The following LMBR1 variants were observed in gnomAD, a reference collection of about 807,000 sequenced individuals.
The protein encoded by LMBR1 is limb region 1 protein homolog.
LMBR1 carries 52 observed loss-of-function variants against 73.9 expected under a neutral mutation model. The ratio of observed to expected loss-of-function variants is 0.70; its 90% CI spans 0.56 to 0.89. LMBR1 has a LOEUF of 0.89. Ranked by LOEUF, LMBR1 falls within the 40% of genes least tolerant of loss-of-function variation. LMBR1 has a pLI of 0.00. For missense variants in LMBR1, 539 were observed against 579.8 expected (o/e 0.93, Z 0.72); for synonymous variants, 215 against 209.4 (o/e 1.03, Z -0.23).
chr7:156,833,467 A>G (rs924434110), intron 3 of LMBR1: 12 of 366,438 alleles, frequency 3.3e-5, no homozygotes, highest in Non-Finnish European at 5.9e-5. Context: ...CTGTTCAAAC[A>G]GCCAAGAGTC....
At chr7:156,801,267 A>C (rs1174421700) in intron 4 of LMBR1, among the ~76,000 whole-genome samples, 2 of 152,186 alleles carry the variant, frequency 1.3e-5, no homozygotes, top group East Asian at 3.8e-4. Flanking sequence ...CCTTTAGCAA[A>C]ATCAAGGCAA....
chr7:156,707,549 G>C (rs186285440), intron 15 of LMBR1, among the ~76,000 whole-genome samples: 2 of 152,152 alleles, frequency 1.3e-5, no homozygotes, highest in African/African-American at 4.8e-5. Flanking sequence ...TACCAGGAGT[G>C]TAAGGATGGT....
intron 1 of LMBR1, among the ~76,000 whole-genome samples, 190 bp from the exon 2 acceptor site, chr7:156,837,075 G>C (rs1427390797): frequency 6.6e-6 from 1 of 151,852 alleles, no homozygotes; most frequent in African/African-American, 2.4e-5. Context: ...TGTAACCCCA[G>C]CACCTTGGGA....
intron 1 of LMBR1, among the ~76,000 whole-genome samples, chr7:156,886,809 G>A (rs1346196804): frequency 6.6e-6 from 1 of 152,148 alleles, no homozygotes; most frequent in African/African-American, 2.4e-5. Flanking sequence ...TTCACAGTTG[G>A]GTATTTTATT....
intron 1 of LMBR1, among the ~76,000 whole-genome samples, chr7:156,839,728 A>G (rs1838305246): frequency 6.6e-6 from 1 of 152,174 alleles, no homozygotes; most frequent in African/African-American, 2.4e-5. Context: ...CCCAATACAC[A>G]AGGGAGAGAA....
chr7:156,715,857 G>A (rs1813099039), intron 15 of LMBR1, among the ~76,000 whole-genome samples: 1 of 151,994 alleles, frequency 6.6e-6, no homozygotes, highest in Non-Finnish European at 1.5e-5. Context: ...TCCACCTCTT[G>A]GCTACTGTTG....
chr7:156,763,411 G>A (rs1204991390), intron 6 of LMBR1, among the ~76,000 whole-genome samples: 11 of 144,352 alleles, frequency 7.6e-5, no homozygotes, highest in African/African-American at 2.3e-4. Context: ...ATGTCTCCAC[G>A]GAATTTGAAG....
At chr7:156,892,236 A>G (rs1045207120) in intron 1 of LMBR1, among the ~76,000 whole-genome samples, 4 of 152,178 alleles carry the variant, frequency 2.6e-5, no homozygotes, top group African/African-American at 9.6e-5. Context: ...CCCAAAAATA[A>G]CCAATATTCT....
At chr7:156,886,297 G>C (rs1801893203) in intron 1 of LMBR1, among the ~76,000 whole-genome samples, 1 of 152,186 alleles carries the variant, frequency 6.6e-6, no homozygotes, top group African/African-American at 2.4e-5. Context: ...TGCTGAACGG[G>C]TTGGCCAAGT....
At chr7:156,759,284 T>C (rs1402134036) in intron 8 of LMBR1, among the ~76,000 whole-genome samples, 1 of 152,190 alleles carries the variant, frequency 6.6e-6, no homozygotes, top group East Asian at 1.9e-4. Flanking sequence ...TAGAGGAAAC[T>C]GTAAGCAGAA....
At chr7:156,837,586 A>G (rs1221086317) in intron 1 of LMBR1, among the ~76,000 whole-genome samples, 2 of 152,148 alleles carry the variant, frequency 1.3e-5, no homozygotes. Context: ...GCTTCAATTC[A>G]TTTAAAGAAT....
intron 15 of LMBR1, among the ~76,000 whole-genome samples, chr7:156,694,426 C>A (rs1449837497): frequency 6.6e-6 from 1 of 152,112 alleles, no homozygotes; most frequent in Admixed American, 6.5e-5. Flanking sequence ...AGCCACTGCA[C>A]CCAGCCAAGA....
intron 15 of LMBR1, among the ~76,000 whole-genome samples, chr7:156,692,914 TA>T (rs1429641847): frequency 6.6e-6 from 1 of 151,842 alleles, no homozygotes; most frequent in Non-Finnish European, 1.5e-5. Flanking sequence ...ACTTGCTAAG[TA>T]GAGATATGAA....
intron 3 of LMBR1, chr7:156,833,530 CT>C (rs1327991539): frequency 4.0e-6 from 2 of 501,710 alleles, no homozygotes; most frequent in African/African-American, 4.1e-5. Context: ...ATTTAATCCC[CT>C]GAGGATAAAA....
intron 1 of LMBR1, among the ~76,000 whole-genome samples, chr7:156,891,229 TATATACACACAC>T (rs1243548150): frequency 2.5e-5 from 2 of 81,588 alleles, no homozygotes; most frequent in African/African-American, 9.9e-5. Context: ...TATATATATA[TATATACACACAC>T]ACACACACAC....
At chr7:156,694,605 T>C (rs1174600062) in intron 15 of LMBR1, among the ~76,000 whole-genome samples, 1 of 152,116 alleles carries the variant, frequency 6.6e-6, no homozygotes, top group Non-Finnish European at 1.5e-5. Context: ...TAAAAATCCA[T>C]CCAAATAGGC....
At chr7:156,698,692 G>C (rs753640345) in intron 15 of LMBR1, among the ~76,000 whole-genome samples, 7 of 152,188 alleles carry the variant, frequency 4.6e-5, no homozygotes, top group Non-Finnish European at 7.3e-5. Context: ...GCATACAGCA[G>C]AGGGACCCTG....
At chr7:156,730,289 AGGCTGAGAAGC>A (rs1432443205) in intron 10 of LMBR1, among the ~76,000 whole-genome samples, 1 of 152,258 alleles carries the variant, frequency 6.6e-6, no homozygotes, top group Non-Finnish European at 1.5e-5. Flanking sequence ...TGCAACTATG[AGGCTGAGAAGC>A]CAAGCAAAGC....
chr7:156,728,785 C>G, intron 10 of LMBR1, 65 bp from the exon 11 acceptor site: 2 of 1,102,208 alleles, frequency 1.8e-6, no homozygotes, highest in South Asian at 2.8e-5. Context: ...TTCCATAATG[C>G]TATAATCTGT....
Sources: allele counts gnomAD v4.1 joint callset (sites outside exome capture counted in the v4.1 genomes callset), GRCh38; gene constraint gnomAD v4.1.1; transcripts MANE v1.5; gene names NCBI Gene and HGNC (gene_info 2026-07-23, HGNC 2026-07-21).